The following MAX variants were observed in gnomAD, a reference collection of about 807,000 sequenced individuals.
The protein encoded by MAX is MYC associated transcriptional regulator X, also known as protein max.
Under a neutral mutation model 22.3 loss-of-function variants are expected in MAX, and 3 were observed. That is an observed-to-expected ratio of 0.13 (90% confidence interval 0.06 to 0.35). The LOEUF is 0.35. MAX is among the 10% of genes least tolerant of loss of function. MAX has a pLI of 1.00. For synonymous variants in MAX, 72 were observed against 77.7 expected (o/e 0.93, Z 0.39); for missense variants, 119 against 209.4 (o/e 0.57, Z 2.66).
Position 65,078,145 on chromosome 14 carries a change from G to C in MAX, c.172-109C>G. The C allele has an allele frequency of 1.7e-6, 2 of 1,152,702 alleles. No individual in the cohort carries two copies. Among genetic ancestry groups the C allele is most frequent in the Non-Finnish European group, 2.6e-6 (2 of 769,512 alleles). 71.4% of individuals were successfully genotyped at this position (1,152,702 alleles called of 1,614,324 possible). The stretch of plus-strand genomic sequence containing the variant: ...TGGGTGGCTGGAAACGAGAGGGTAA[G>C]GTGGGAAAAGGCTGAAGAAATACAA... On this transcript the variant is annotated intron_variant, in intron 3 of 4. Transcript: ENST00000358664. The surrounding 1 kb of genome is among the most constrained non-coding windows in gnomAD (Gnocchi z 6.4).
intron 3 of MAX, among the ~76,000 whole-genome samples, chr14:65,033,158 T>C (rs2062118454): frequency 6.6e-6 from 1 of 152,156 alleles, no homozygotes; most frequent in African/African-American, 2.4e-5. Context: ...GAATATAATG[T>C]AGCAGTGAAA....
intron 2 of MAX, among the ~76,000 whole-genome samples, chr14:65,100,576 C>G (rs1248833167): frequency 2.0e-5 from 3 of 152,206 alleles, no homozygotes; most frequent in African/African-American, 7.2e-5. Flanking sequence ...CTCCAGTACC[C>G]AAGCCCTCAC....
chr14:65,035,457 A>G (rs891081567), intron 3 of MAX, among the ~76,000 whole-genome samples: 1 of 152,140 alleles, frequency 6.6e-6, no homozygotes, highest in Non-Finnish European at 1.5e-5. Context: ...CGGAACTCAG[A>G]CAGCCTGGGT....
In MAX at chr14:65,054,301, G is replaced by A. The variant is rs760230489; in HGVS notation, c.171+39407C>T. On this transcript the variant is annotated intron_variant, in intron 3 of 3. Transcript: ENST00000341653. The surrounding 1 kb of genome is among the most constrained non-coding windows in gnomAD (Gnocchi z 4.4). Reference sequence around the variant, plus strand: ...CTAATTTTTAATTTTTTGTAGAGACGGGGTCTCCCATGTTGCCCAAGTTGG... The same window carrying A: ...CTAATTTTTAATTTTTTGTAGAGACAGGGTCTCCCATGTTGCCCAAGTTGG... Among the ~76,000 whole-genome samples the A allele has an allele frequency of 8.6e-5, 13 of 151,778 alleles. No homozygotes were observed. The highest frequency in any genetic ancestry group is 4.6e-4 in the Admixed American group (7 of 15,208).
Position 65,078,839 on chromosome 14 carries a change from TTG to T in MAX, c.172-805_172-804del, listed in dbSNP as rs1038377315. 6.6e-6 allele frequency among the ~76,000 whole-genome samples: 1 copy of T among 152,220 alleles called. No homozygotes were observed. Among genetic ancestry groups the T allele is most frequent in the African/African-American group, 2.4e-5 (1 of 41,454 alleles). On this transcript the variant is annotated intron_variant, in intron 3 of 4. Coordinates refer to ENST00000358664, the MANE Select transcript of MAX (RefSeq NM_002382.5). The surrounding 1 kb of genome is among the most constrained non-coding windows in gnomAD (Gnocchi z 6.4). ...GCCACTGCATCCGTGAAGGCCTTCT[TTG>T]TGACATACAAGGTGCCAAGTGCTTT...
chr14:65,049,732 C>A (rs150663956), intron 3 of MAX, among the ~76,000 whole-genome samples: 2 of 152,154 alleles, frequency 1.3e-5, no homozygotes, highest in African/African-American at 4.8e-5. Context: ...AATATATGTA[C>A]ATTTTGTACA....
At chr14:65,015,735 A>G in intron 3 of MAX, 1 of 1,609,340 alleles carries the variant, frequency 6.2e-7, no homozygotes, top group Non-Finnish European at 8.5e-7. Flanking sequence ...GTCTTTGGGA[A>G]ATCTGGGGTG....
In MAX at chr14:65,012,298, A is replaced by T. The variant is rs370987539; in HGVS notation, c.172-6014T>A. On this transcript the variant is annotated intron_variant, in intron 3 of 3. Coordinates refer to the MAX transcript ENST00000341653. The surrounding 1 kb of genome is among the most constrained non-coding windows in gnomAD (Gnocchi z 5.0). ...GCATAAGCTATTAGAATGGGCTTAT[A>T]AACTGTTTGTCTTTCCAGGCTTGTT... The T allele has an allele frequency of 6.2e-7, 1 of 1,613,886 alleles. No individual in the cohort carries two copies. Among genetic ancestry groups the T allele is most frequent in the African/African-American group, 1.3e-5 (1 of 74,916 alleles).
intron 3 of MAX, among the ~76,000 whole-genome samples, chr14:65,035,517 CTCTG>C (rs892363970): frequency 4.0e-5 from 6 of 151,802 alleles, no homozygotes; most frequent in African/African-American, 7.3e-5. Flanking sequence ...TTCTTTCTTC[CTCTG>C]TCTTTCAATT....
chr14:65,039,152 C>T (rs1444866507), intron 3 of MAX, among the ~76,000 whole-genome samples: 4 of 152,172 alleles, frequency 2.6e-5, no homozygotes, highest in Non-Finnish European at 4.4e-5. Context: ...CGAGAGTGGG[C>T]AGGATCAAGC....
rs1482341186 is a variant in MAX at position 65,084,062 on chromosome 14, TC to T, written c.172-6027del. The T allele has an allele frequency of 1.9e-6, 3 of 1,594,622 alleles. No homozygotes were observed. The East Asian group carries it at 6.8e-5, about 36-fold the overall frequency. ...TTGAAGGCTTCCTGCTGCCAGGGCC[TC>T]CCCAGCCACAGGACCATTTTGCTGA... is the stretch of plus-strand genomic sequence containing the variant. On this transcript the variant is annotated intron_variant, in intron 3 of 4. Transcript: ENST00000358664. This position sits in a 1 kb window ranked among gnomAD's most constrained non-coding sequence, Gnocchi z 4.3.
At chr14:65,073,585 TGTAA>T (rs989972761), downstream of MAX, among the ~76,000 whole-genome samples, 9 of 152,346 alleles carry the variant, frequency 5.9e-5, no homozygotes, top group African/African-American at 9.6e-5. Context: ...TCTGGTTTTG[TGTAA>T]GTGAGTGTCC....
In MAX at chr14:65,075,880, T is replaced by C. The variant is rs1034110887; in HGVS notation, c.*596A>G. 18 of 1,067,666 alleles carry C rather than the reference T, an allele frequency of 1.7e-5. No individual in the cohort carries two copies. Among genetic ancestry groups the C allele is most frequent in the Non-Finnish European group, 2.0e-5 (18 of 880,916 alleles). 66.1% of individuals were successfully genotyped at this position (1,067,666 alleles called of 1,614,324 possible). The stretch of plus-strand genomic sequence containing the variant: ...CCAGCGACTCTGTGCTGCGAATCTG[T>C]CCCCACTTCCTTTTTATACCACAAA... On this transcript the variant is annotated 3_prime_UTR_variant, in exon 5 of 5. Coordinates refer to ENST00000358664, the MANE Select transcript of MAX (RefSeq NM_002382.5). This position sits in a 1 kb window ranked among gnomAD's most constrained non-coding sequence, Gnocchi z 4.1.
At chr14:65,016,743 TAAAG>T (rs1457242382) in intron 3 of MAX, among the ~76,000 whole-genome samples, 1 of 152,142 alleles carries the variant, frequency 6.6e-6, no homozygotes, top group Non-Finnish European at 1.5e-5. Context: ...GGGAAGATAA[TAAAG>T]AATTAGGCCA....
intron 3 of MAX, among the ~76,000 whole-genome samples, chr14:65,021,652 C>CT (rs1365106238): frequency 2.0e-5 from 3 of 151,998 alleles, no homozygotes; most frequent in Non-Finnish European, 4.4e-5. Flanking sequence ...AAGTAGCCAA[C>CT]TTTTTTTTCC....
In MAX at chr14:65,054,746, GCTT is replaced by G; in HGVS notation, c.171+38959_171+38961del. The stretch of plus-strand genomic sequence containing the variant: ...TCCACAGGGACCTCGCGGACAGAAG[GCTT>G]TCCAAGTAAGCAGAACTGGCTCTGC... On this transcript the variant is annotated intron_variant, in intron 3 of 3. Coordinates refer to the MAX transcript ENST00000341653. This position sits in a 1 kb window ranked among gnomAD's most constrained non-coding sequence, Gnocchi z 4.4. The G allele has an allele frequency of 6.5e-7, 1 of 1,535,722 alleles. No individual in the cohort carries two copies. Among genetic ancestry groups the G allele is most frequent in the Non-Finnish European group, 8.8e-7 (1 of 1,131,482 alleles).
At chr14:65,096,378 C>G (rs2063676653) in intron 2 of MAX, among the ~76,000 whole-genome samples, 1 of 152,200 alleles carries the variant, frequency 6.6e-6, no homozygotes, top group Non-Finnish European at 1.5e-5. Flanking sequence ...GCAGAACTAA[C>G]AAGCCTAATT....
In MAX at chr14:65,082,358, G is replaced by A. The variant is rs925727372; in HGVS notation, c.172-4322C>T. ...GACCCTAGTGAAGGTGGTTTTCTTG[G>A]AGGAGTGACAGCCGAAGCCCAATGG... On this transcript the variant is annotated intron_variant, in intron 3 of 4. Transcript: ENST00000358664. The surrounding 1 kb of genome is among the most constrained non-coding windows in gnomAD (Gnocchi z 4.8). 1.3e-5 allele frequency: 2 copies of A among 152,234 alleles called. No homozygotes were observed. The highest frequency in any genetic ancestry group is 4.8e-5 in the African/African-American group (2 of 41,460). 9.4% of individuals were successfully genotyped at this position (152,234 alleles called of 1,614,324 possible).
downstream of MAX, among the ~76,000 whole-genome samples, chr14:65,073,515 C>T (rs538149873): frequency 1.3e-5 from 2 of 152,136 alleles, no homozygotes; most frequent in Non-Finnish European, 1.5e-5. Context: ...GGAAATAGCA[C>T]GCTTAACAGA....
Sources: gnomAD v4.1 joint callset for allele counts (sites outside exome capture counted in the v4.1 genomes callset) on GRCh38, gnomAD v4.1.1 for gene constraint, Gnocchi (gnomAD v3.1) non-coding constraint, MANE v1.5 for transcripts, NCBI Gene and HGNC (gene_info 2026-07-23, HGNC 2026-07-21) for gene names.